Variants in UBE2J2 observed in about 807,000 individuals in gnomAD.
UBE2J2 encodes the protein ubiquitin-conjugating enzyme E2 J2.
Under a neutral mutation model 28.6 loss-of-function variants are expected in UBE2J2, and 5 were observed. The ratio of observed to expected loss-of-function variants is 0.17; its 90% CI spans 0.09 to 0.37. UBE2J2 has a LOEUF of 0.37. Among genes scored for constraint, UBE2J2 ranks in the 10% least tolerant of loss-of-function variants. The probability of loss-of-function intolerance (pLI) is 1.00; values close to 1 mark genes in which losing one functional copy is unlikely to be tolerated. For missense variants in UBE2J2, 226 were observed against 338.9 expected (o/e 0.67, Z 2.62); for synonymous variants, 138 against 139.7 (o/e 0.99, Z 0.09).
At chr1:1,270,012 G>A (rs1402521842) in intron 1 of UBE2J2, among the ~76,000 whole-genome samples, 7 of 152,138 alleles carry the variant, frequency 4.6e-5, no homozygotes, top group African/African-American at 9.7e-5. Flanking sequence ...TCCCCAAGCC[G>A]TTCCAGTGAA....
rs1639982357 is a variant in UBE2J2 at position 1,268,367 on chromosome 1, T to G, written c.1-375A>C. On this transcript the variant is annotated intron_variant, in intron 1 of 6. Transcript: ENST00000349431. This position sits in a 1 kb window ranked among gnomAD's most constrained non-coding sequence, Gnocchi z 4.7. The stretch of plus-strand genomic sequence containing the variant: ...AGGGCAGCTACTCGCACCTTCCAAC[T>G]CAGCTCAAGGACCCCGCACTGATGG... Among the ~76,000 whole-genome samples the G allele has an allele frequency of 6.6e-6, 1 of 151,894 alleles. No homozygotes were observed. Among genetic ancestry groups the G allele is most frequent in the Non-Finnish European group, 1.5e-5 (1 of 67,988 alleles).
intron 1 of UBE2J2, among the ~76,000 whole-genome samples, chr1:1,269,477 G>A (rs75027550): frequency 7.9e-6 from 1 of 126,682 alleles, no homozygotes; most frequent in South Asian, 2.4e-4. Flanking sequence ...TTTTTTTTTT[G>A]AGATAGAATC....
chr1:1,259,380 G>A (rs552075048), intron 3 of UBE2J2, among the ~76,000 whole-genome samples: 1 of 152,338 alleles, frequency 6.6e-6, no homozygotes, highest in South Asian at 2.1e-4. Flanking sequence ...GTGTATGCGT[G>A]TGCATGCCAT....
chr1:1,271,960 G>A (rs1258856512), intron 1 of UBE2J2, among the ~76,000 whole-genome samples: 1 of 113,290 alleles, frequency 8.8e-6, no homozygotes, highest in East Asian at 4.0e-4. Flanking sequence ...GGCAACAAGA[G>A]CGAAACTCCG....
At chr1:1,259,764 C>T (rs907341605) in intron 3 of UBE2J2, among the ~76,000 whole-genome samples, 1 of 152,200 alleles carries the variant, frequency 6.6e-6, no homozygotes, top group African/African-American at 2.4e-5. Context: ...AGCCACACCA[C>T]GGAGTCCCCC....
intron 3 of UBE2J2, among the ~76,000 whole-genome samples, chr1:1,259,012 G>GCA (rs1379707095): frequency 6.6e-6 from 1 of 151,702 alleles, no homozygotes; most frequent in Non-Finnish European, 1.5e-5. Context: ...CCATCAGGAC[G>GCA]CGTGTGTGCG....
chr1:1,259,947 C>G (rs547472201), intron 3 of UBE2J2, among the ~76,000 whole-genome samples: 2 of 152,242 alleles, frequency 1.3e-5, no homozygotes, highest in African/African-American at 4.8e-5. Context: ...GCCTCCCGCA[C>G]GTGTTTCCCT....
chr1:1,266,064 A>C (rs1639842346), intron 2 of UBE2J2: 9 of 1,303,672 alleles, frequency 6.9e-6, no homozygotes, highest in Non-Finnish European at 9.1e-6. Flanking sequence ...GCAACCAGCG[A>C]GGAGGCGGCT....
intron 3 of UBE2J2, chr1:1,262,146 C>T (rs563373659): frequency 6.3e-4 from 210 of 331,000 alleles, no homozygotes; most frequent in Non-Finnish European, 1.0e-3. Context: ...CGTGAGCCAC[C>T]GCGCCCGGCC....
chr1:1,265,980 C>T, intron 2 of UBE2J2: 2 of 1,159,592 alleles, frequency 1.7e-6, no homozygotes, highest in Non-Finnish European at 2.3e-6. Flanking sequence ...ATCATCGAAC[C>T]TGCACCGGGA....
At chr1:1,258,541 G>A (rs1409489187) in intron 3 of UBE2J2, among the ~76,000 whole-genome samples, 1 of 151,468 alleles carries the variant, frequency 6.6e-6, no homozygotes, top group Non-Finnish European at 1.5e-5. Context: ...CTAGTTTCAC[G>A]GCCTCCCATC....
intron 3 of UBE2J2, among the ~76,000 whole-genome samples, chr1:1,259,746 G>T (rs1046308607): frequency 6.6e-6 from 1 of 152,156 alleles, no homozygotes; most frequent in Non-Finnish European, 1.5e-5. Flanking sequence ...GCCCCACATG[G>T]ACTGTGCAGC....
chr1:1,257,082 G>C lies in UBE2J2; in HGVS notation c.324C>G (p.Ala108=). The C allele has an allele frequency of 6.2e-7, 1 of 1,613,244 alleles. No individual in the cohort carries two copies. The highest frequency in any genetic ancestry group is 1.1e-5 in the South Asian group (1 of 91,036). The change falls in exon 5 of 7, where the codon GCC becomes GCG. Residue 108 remains alanine (A), a synonymous_variant. Transcript: ENST00000349431. The part of the protein sequence containing the change: ...TDFHPDTWNP[A]WSVSTILTGL... ...CAGTCAGGATGGTGGAGACAGACCA[G>C]GCCGGGTTCCACGTGTCCGGGTGGA...
intron 5 of UBE2J2, 80 bp downstream of exon 5, chr1:1,256,907 AAAAAG>A: frequency 4.2e-6 from 5 of 1,192,260 alleles, no homozygotes; most frequent in Non-Finnish European, 4.4e-6. Context: ...AAAAAAAAAA[AAAAAG>A]GCAGCTGCAA....
Position 1,256,128 on chromosome 1 carries a change from AG to A in UBE2J2, c.415-4del. ...CTCTGCACTGCCAGTTGTCTTTTCT[AG>A]GAAGGAAGGGAAGGGAATCAGCCAG... On this transcript the variant is annotated splice_region_variant and splice_polypyrimidine_tract_variant and intron_variant, in intron 5 of 6. Coordinates refer to ENST00000349431, the MANE Select transcript of UBE2J2 (RefSeq NM_058167.3). The A allele has an allele frequency of 1.2e-6, 2 of 1,605,620 alleles. No individual in the cohort carries two copies. Among genetic ancestry groups the A allele is most frequent in the South Asian group, 2.2e-5 (2 of 90,438 alleles).
chr1:1,272,917 ACC>A (rs1640234072), intron 1 of UBE2J2: 1 of 152,804 alleles, frequency 6.5e-6, no homozygotes, highest in Non-Finnish European at 1.5e-5. Flanking sequence ...GGGGCCACCG[ACC>A]TGCCCCAGCC....
chr1:1,266,120 A>C (rs1639846068), intron 2 of UBE2J2: 1 of 1,303,976 alleles, frequency 7.7e-7, no homozygotes, highest in South Asian at 1.2e-5. Flanking sequence ...TCCTGGGGCC[A>C]CATGTGATTT....
intron 2 of UBE2J2, among the ~76,000 whole-genome samples, chr1:1,266,662 A>G (rs1007211956): frequency 1.3e-5 from 2 of 151,246 alleles, no homozygotes; most frequent in African/African-American, 4.9e-5. Context: ...TCTACTAAAA[A>G]TACAAAAACA....
At chr1:1,256,374 C>CCCGCT (rs1227334425) in intron 5 of UBE2J2, 3 of 422,254 alleles carry the variant, frequency 7.1e-6, no homozygotes, top group African/African-American at 6.2e-5. Flanking sequence ...CACCGGGCTC[C>CCCGCT]CCGCTGACAA....
Sources: gnomAD v4.1 joint callset for allele counts (sites outside exome capture counted in the v4.1 genomes callset) on GRCh38, gnomAD v4.1.1 for gene constraint, Gnocchi (gnomAD v3.1) non-coding constraint, MANE v1.5 for transcripts, NCBI Gene and HGNC (gene_info 2026-07-23, HGNC 2026-07-21) for gene names.